SYN3: variants seen among roughly 807,000 people sequenced by gnomAD.
The protein encoded by SYN3 is synapsin-3.
Under a neutral mutation model 65.8 loss-of-function variants are expected in SYN3, and 35 were observed. The observed-to-expected ratio is 0.53, with a 90% CI of 0.41 to 0.70. The LOEUF is 0.70. Among genes scored for constraint, SYN3 ranks in the 30% least tolerant of loss-of-function variants. The pLI, the probability that SYN3 is intolerant of heterozygous loss-of-function variation, is 0.00. For missense variants in SYN3, 680 were observed against 749.0 expected (o/e 0.91, Z 1.08); for synonymous variants, 270 against 292.9 (o/e 0.92, Z 0.80).
In SYN3 at chr22:33,015,891, T is replaced by G. The variant is rs549850868; in HGVS notation, c.-162-9067A>C. Among the ~76,000 whole-genome samples the G allele has an allele frequency of 5.8e-3, 884 of 151,688 alleles. 6 individuals are homozygous for G. The highest frequency in any genetic ancestry group is 0.027 in the South Asian group (127 of 4,786). The stretch of plus-strand genomic sequence containing the variant: ...AGTTACACTCTTGTTGCCCAGGCTG[T>G]AGTGCAATGGCACCATCTCGGCTCA... On this transcript the variant is annotated intron_variant, in intron 1 of 13. Coordinates refer to ENST00000358763, the MANE Select transcript of SYN3 (RefSeq NM_003490.4).
chr22:32,509,337 CA>C lies in SYN3; in HGVS notation c.*4354del, dbSNP rs978879761. Among the ~76,000 whole-genome samples the C allele has an allele frequency of 6.6e-6, 1 of 152,094 alleles. No homozygotes were observed. Among genetic ancestry groups the C allele is most frequent in the African/African-American group, 2.4e-5 (1 of 41,418 alleles). On this transcript the variant is annotated 3_prime_UTR_variant, in exon 14 of 14. Transcript: ENST00000358763. ...CTCTCTCTGGCTCAAAGTTGTGAAA[CA>C]AAGCAAGAAAAACAACAAACATAAC...
In SYN3 at chr22:32,734,869, A is replaced by G. The variant is rs114714837; in HGVS notation, c.711+130046T>C. On this transcript the variant is annotated intron_variant, in intron 6 of 13. Transcript: ENST00000358763. ...ATGGCCTTTGACTCTCCCCAATTCAATGTTGCTTCTCAGGGTGGATACAGT... is the reference window on the plus strand; with the variant it reads ...ATGGCCTTTGACTCTCCCCAATTCAGTGTTGCTTCTCAGGGTGGATACAGT... Among the ~76,000 whole-genome samples, 635 of 152,170 alleles carry G rather than the reference A, an allele frequency of 4.2e-3. 5 individuals carry two copies. Among genetic ancestry groups the G allele is most frequent in the African/African-American group, 0.014 (580 of 41,496 alleles).
At chr22:32,527,483 C>A (rs2146130361) in intron 12 of SYN3, among the ~76,000 whole-genome samples, 1 of 151,990 alleles carries the variant, frequency 6.6e-6, no homozygotes, top group Non-Finnish European at 1.5e-5. Context: ...ACCTGTAATC[C>A]CAGCTACTCA....
chr22:33,054,286 G>C (rs981465625), intron 1 of SYN3, among the ~76,000 whole-genome samples: 1 of 152,058 alleles, frequency 6.6e-6, no homozygotes, highest in Non-Finnish European at 1.5e-5. Flanking sequence ...GATGTTTTAC[G>C]GGCATCTCCA....
At chr22:33,029,128 C>G (rs1204408967) in intron 1 of SYN3, among the ~76,000 whole-genome samples, 3 of 150,948 alleles carry the variant, frequency 2.0e-5, no homozygotes, top group Non-Finnish European at 2.9e-5. Context: ...TCAGGAAGTG[C>G]TATCACCTCA....
chr22:32,683,544 T>C (rs1445587322), intron 6 of SYN3, among the ~76,000 whole-genome samples: 1 of 152,200 alleles, frequency 6.6e-6, no homozygotes, highest in Non-Finnish European at 1.5e-5. Context: ...GGGCTTCCTC[T>C]TCCTAGCTTC....
At chr22:32,569,179 C>T (rs997178717) in intron 7 of SYN3, among the ~76,000 whole-genome samples, 5 of 152,086 alleles carry the variant, frequency 3.3e-5, no homozygotes, top group Non-Finnish European at 7.4e-5. Context: ...AATATTTATA[C>T]TCACCCTCAG....
chr22:32,636,324 C>G (rs2059814795), intron 6 of SYN3, among the ~76,000 whole-genome samples: 1 of 151,600 alleles, frequency 6.6e-6, no homozygotes, highest in Admixed American at 6.6e-5. Context: ...ATGGCGTGAA[C>G]CCGGGAGGCG....
chr22:32,528,724 C>A, intron 11 of SYN3, 150 bp downstream of exon 11: 1 of 1,118,702 alleles, frequency 8.9e-7, no homozygotes, highest in Non-Finnish European at 1.2e-6. Context: ...AAGCTCTCCC[C>A]AATGTCTGGC....
At position 32,512,215 on chromosome 22, in the gene SYN3, T is replaced by G. The variant is rs998124294; in HGVS notation, c.*1477A>C. On this transcript the variant is annotated 3_prime_UTR_variant, in exon 14 of 14. Coordinates refer to ENST00000358763, the MANE Select transcript of SYN3 (RefSeq NM_003490.4). ...TGATTACCAAACAATCTACATTGCT[T>G]GGGCATAACTAGAAGCTGCTCCAGG... is the stretch of plus-strand genomic sequence containing the variant. 6.6e-6 allele frequency among the ~76,000 whole-genome samples: 1 copy of G among 152,236 alleles called. No homozygotes were observed. The highest frequency in any genetic ancestry group is 2.4e-5 in the African/African-American group (1 of 41,470).
intron 6 of SYN3, among the ~76,000 whole-genome samples, chr22:32,735,000 G>A (rs2061320058): frequency 6.6e-6 from 1 of 152,196 alleles, no homozygotes; most frequent in Non-Finnish European, 1.5e-5. Context: ...AGGCTCCAGG[G>A]GTGATTTAGG....
chr22:32,661,022 A>G (rs1255995511), intron 6 of SYN3, among the ~76,000 whole-genome samples: 1 of 152,182 alleles, frequency 6.6e-6, no homozygotes, highest in African/African-American at 2.4e-5. Flanking sequence ...AAAGGTGTCA[A>G]CCTTGTCCAC....
At chr22:32,754,035 C>T (rs1256325353) in intron 6 of SYN3, among the ~76,000 whole-genome samples, 2 of 152,238 alleles carry the variant, frequency 1.3e-5, no homozygotes, top group East Asian at 1.9e-4. Flanking sequence ...CATAACCACT[C>T]GAAGTCCCCG....
rs1050228681 is a variant in SYN3, at chr22:33,014,278, C to T, written c.-162-7454G>A. ...TGTATATATACCACATTTACTTTAT[C>T]CATTCCTCTGATGATGGGCACCTAG... On this transcript the variant is annotated intron_variant, in intron 1 of 13. Transcript: ENST00000358763. The T allele has an allele frequency of 4.6e-5, 7 of 152,292 alleles. 1 individual carries two copies. Among genetic ancestry groups the T allele is most frequent in the East Asian group, 3.9e-4 (2 of 5,178 alleles). 9.4% of individuals were successfully genotyped at this position (152,292 alleles called of 1,614,324 possible). A position where few individuals can be genotyped will look rare whatever the true frequency, so the allele number is the denominator to read the frequency against.
chr22:32,631,432 G>A (rs918663802), intron 6 of SYN3, among the ~76,000 whole-genome samples: 11 of 152,056 alleles, frequency 7.2e-5, no homozygotes, highest in African/African-American at 2.7e-4. Context: ...CACATCCTCT[G>A]TATGGCTCTG....
chr22:33,050,750 A>G (rs1049598204), intron 1 of SYN3, among the ~76,000 whole-genome samples: 1 of 152,162 alleles, frequency 6.6e-6, no homozygotes, highest in Non-Finnish European at 1.5e-5. Context: ...CCCTCAGTAC[A>G]TCTGCCTGCA....
chr22:32,874,091 G>A (rs1219509731), intron 4 of SYN3, among the ~76,000 whole-genome samples: 1 of 152,124 alleles, frequency 6.6e-6, no homozygotes, highest in Admixed American at 6.5e-5. Context: ...CCGAGATCGT[G>A]TCACTGCCCT....
chr22:32,600,279 A>G (rs945571782), intron 6 of SYN3, among the ~76,000 whole-genome samples: 19 of 152,172 alleles, frequency 1.2e-4, no homozygotes, highest in South Asian at 4.1e-4. Flanking sequence ...CGAATGCGCA[A>G]TTCACGACAG....
At chr22:32,964,029 C>T (rs950913921) in intron 3 of SYN3, among the ~76,000 whole-genome samples, 5 of 152,044 alleles carry the variant, frequency 3.3e-5, no homozygotes, top group Admixed American at 3.3e-4. Flanking sequence ...AGAAGGCAGG[C>T]CCTGAGGTGG....
Sources: allele counts gnomAD v4.1 joint callset (sites outside exome capture counted in the v4.1 genomes callset), GRCh38; gene constraint gnomAD v4.1.1; transcripts MANE v1.5; gene names NCBI Gene and HGNC (gene_info 2026-07-23, HGNC 2026-07-21).